MACROD2: variants seen among roughly 807,000 people sequenced by gnomAD.
MACROD2 encodes the protein mono-ADP ribosylhydrolase 2, also known as ADP-ribose glycohydrolase MACROD2.
A neutral mutation model predicts 70.4 loss-of-function variants in MACROD2; 36 were observed. The ratio of observed to expected loss-of-function variants is 0.51; its 90% CI spans 0.39 to 0.68. The LOEUF (loss-of-function observed/expected upper bound fraction) is 0.68, where lower values mean the gene tolerates loss of function less well. Ranked by LOEUF, MACROD2 falls within the 30% of genes least tolerant of loss-of-function variation. The pLI is 0.00. For missense variants in MACROD2, 496 were observed against 538.4 expected (o/e 0.92, Z 0.78); for synonymous variants, 172 against 178.8 (o/e 0.96, Z 0.30).
At chr20:15,339,262 C>T (rs2078081772) in intron 6 of MACROD2, among the ~76,000 whole-genome samples, 1 of 151,822 alleles carries the variant, frequency 6.6e-6, no homozygotes, top group Non-Finnish European at 1.5e-5. Context: ...TTTTATCTAT[C>T]ATAGGTTAGG....
chr20:15,864,640 G>A (rs1375869319), intron 9 of MACROD2, among the ~76,000 whole-genome samples: 2 of 152,032 alleles, frequency 1.3e-5, no homozygotes, highest in African/African-American at 2.4e-5. Flanking sequence ...GACAGTTTTA[G>A]GAGGGTAAAA....
At chr20:15,033,455 C>T (rs2075290339) in intron 5 of MACROD2, among the ~76,000 whole-genome samples, 1 of 152,158 alleles carries the variant, frequency 6.6e-6, no homozygotes, top group African/African-American at 2.4e-5. Flanking sequence ...TAATTTTGTC[C>T]TGCTGCTGCT....
intron 10 of MACROD2, among the ~76,000 whole-genome samples, chr20:15,927,800 T>G (rs1389810653): frequency 3.9e-5 from 6 of 152,202 alleles, no homozygotes; most frequent in East Asian, 1.9e-4. Flanking sequence ...AGACAAAATT[T>G]GTAAAGGTTT....
At chr20:14,076,515 T>TA (rs1372330859) in intron 2 of MACROD2, among the ~76,000 whole-genome samples, 2 of 150,934 alleles carry the variant, frequency 1.3e-5, no homozygotes. Context: ...CGCACACACA[T>TA]AAAAAATACA....
intron 17 of MACROD2, 87 bp downstream of exon 17, chr20:16,044,726 T>G (rs982439372): frequency 8.1e-7 from 1 of 1,241,320 alleles, no homozygotes; most frequent in Non-Finnish European, 1.2e-6. Flanking sequence ...CCCTTGGTTT[T>G]GCCAAGTCCC....
chr20:14,763,837 G>A (rs2072049272), intron 5 of MACROD2, among the ~76,000 whole-genome samples: 2 of 152,054 alleles, frequency 1.3e-5, no homozygotes, highest in South Asian at 4.1e-4. Context: ...GGACTTGGGG[G>A]AAAGATCACA....
intron 13 of MACROD2, among the ~76,000 whole-genome samples, chr20:15,986,449 G>A (rs2066484760): frequency 6.6e-6 from 1 of 152,122 alleles, no homozygotes; most frequent in East Asian, 1.9e-4. Context: ...TCCAGGTTGT[G>A]TCCTCTATCC....
intron 3 of MACROD2, among the ~76,000 whole-genome samples, chr20:14,129,098 T>C (rs2054687465): frequency 6.6e-6 from 1 of 152,220 alleles, no homozygotes; most frequent in Non-Finnish European, 1.5e-5. Flanking sequence ...AAGGCTATAA[T>C]TGCCATAGAT....
intron 8 of MACROD2, among the ~76,000 whole-genome samples, chr20:15,624,127 A>G (rs2049168515): frequency 6.6e-6 from 1 of 152,196 alleles, no homozygotes; most frequent in Admixed American, 6.5e-5. Context: ...AACCACTGGT[A>G]TAAGTCCAAG....
chr20:15,437,307 A>G (rs1276482268), intron 7 of MACROD2, among the ~76,000 whole-genome samples: 1 of 152,142 alleles, frequency 6.6e-6, no homozygotes, highest in African/African-American at 2.4e-5. Flanking sequence ...ACCCACATGT[A>G]CATGATCTGA....
intron 3 of MACROD2, chr20:14,223,022 AAGGAATTG>A (rs767071426): frequency 6.6e-6 from 1 of 152,194 alleles, no homozygotes; most frequent in Non-Finnish European, 1.5e-5. Flanking sequence ...TTGCTCACAT[AAGGAATTG>A]AGGAGAGTAT....
intron 11 of MACROD2, among the ~76,000 whole-genome samples, chr20:15,936,671 GTA>G (rs10626103): frequency 1.3e-4 from 18 of 143,274 alleles, no homozygotes; most frequent in African/African-American, 3.7e-4. Context: ...GTATATGTGT[GTA>G]TATATATATA....
chr20:15,250,446 T>G (rs2077145388), intron 6 of MACROD2, among the ~76,000 whole-genome samples: 1 of 152,226 alleles, frequency 6.6e-6, no homozygotes, highest in East Asian at 1.9e-4. Flanking sequence ...TTTATTGGGA[T>G]TATGTCCATT....
At chr20:14,477,450 T>TAGAAACATAGCACAAGAAACAAG in intron 3 of MACROD2, among the ~76,000 whole-genome samples, 1 of 152,170 alleles carries the variant, frequency 6.6e-6, no homozygotes, top group African/African-American at 2.4e-5. Flanking sequence ...GCACAAGATT[T>TAGAAACATAGCACAAGAAACAAG]TACATAGAAA....
intron 5 of MACROD2, among the ~76,000 whole-genome samples, chr20:14,768,474 A>C (rs1385927992): frequency 6.6e-6 from 1 of 151,946 alleles, no homozygotes; most frequent in Non-Finnish European, 1.5e-5. Context: ...CCAGATATGA[A>C]CCTTTCCCTT....
chr20:14,897,427 CATAA>C (rs1045241016), intron 5 of MACROD2, among the ~76,000 whole-genome samples: 1 of 151,990 alleles, frequency 6.6e-6, no homozygotes, highest in African/African-American at 2.4e-5. Flanking sequence ...AATAAAGAAA[CATAA>C]ATAGATAAAA....
intron 3 of MACROD2, among the ~76,000 whole-genome samples, chr20:14,391,670 C>T (rs1437964203): frequency 6.6e-6 from 1 of 150,826 alleles, no homozygotes; most frequent in East Asian, 2.0e-4. Flanking sequence ...TATATTGTAG[C>T]AACATGGATG....
chr20:15,760,332 G>GGGCTTTACCA (rs1173109888), intron 8 of MACROD2, among the ~76,000 whole-genome samples: 1 of 152,194 alleles, frequency 6.6e-6, no homozygotes, highest in Non-Finnish European at 1.5e-5. Flanking sequence ...AGAGCCAGGT[G>GGGCTTTACCA]GGCTTTACCA....
chr20:14,606,300 A>G (rs1982795302), intron 4 of MACROD2, among the ~76,000 whole-genome samples: 1 of 152,116 alleles, frequency 6.6e-6, no homozygotes, highest in Non-Finnish European at 1.5e-5. Flanking sequence ...TTTAACTTCC[A>G]AGTTTTAGGG....
Sources: gnomAD v4.1 joint callset for allele counts (sites outside exome capture counted in the v4.1 genomes callset) on GRCh38, gnomAD v4.1.1 for gene constraint, MANE v1.5 for transcripts, NCBI Gene and HGNC (gene_info 2026-07-23, HGNC 2026-07-21) for gene names.